The following CHUK variants were observed in gnomAD, a reference collection of about 807,000 sequenced individuals.
CHUK encodes the protein inhibitor of nuclear factor kappa-B kinase subunit alpha.
In CHUK, 35 loss-of-function variants were observed where a neutral mutation model predicts 104.8. The observed-to-expected ratio is 0.33, with a 90% CI of 0.26 to 0.44. The LOEUF is 0.44. CHUK is among the 20% of genes least tolerant of loss of function. The pLI is 1.00. For synonymous variants in CHUK, 276 were observed against 291.9 expected (o/e 0.95, Z 0.56); for missense variants, 663 against 902.7 (o/e 0.73, Z 3.40).
intron 16 of CHUK, chr10:100,195,362 C>T (rs1845300707): frequency 1.3e-5 from 2 of 152,120 alleles, no homozygotes; most frequent in Admixed American, 1.3e-4. Flanking sequence ...TTTGTTACCC[C>T]CATTTTACCA....
intron 20 of CHUK, 141 bp from the exon 21 acceptor site, chr10:100,189,768 T>A: frequency 1.6e-6 from 1 of 608,528 alleles, no homozygotes; most frequent in Non-Finnish European, 2.9e-6. Context: ...ATTTCCTGAT[T>A]TAAAAAAATT....
At chr10:100,205,287 T>A in intron 11 of CHUK, 88 bp from the exon 12 acceptor site, 1 of 1,360,876 alleles carries the variant, frequency 7.3e-7, no homozygotes, top group Non-Finnish European at 1.0e-6. Context: ...TGTGATTTCC[T>A]GTCCACACAA....
intron 4 of CHUK, among the ~76,000 whole-genome samples, 198 bp downstream of exon 4, chr10:100,221,914 G>A (rs1443406042): frequency 2.0e-5 from 3 of 152,148 alleles, no homozygotes; most frequent in Non-Finnish European, 4.4e-5. Flanking sequence ...GGGATTACAG[G>A]CGTGAGCCAC....
At chr10:100,199,312 T>C (rs1000976301) in intron 16 of CHUK, among the ~76,000 whole-genome samples, 1 of 152,146 alleles carries the variant, frequency 6.6e-6, no homozygotes, top group Non-Finnish European at 1.5e-5. Context: ...TCAAATTCTT[T>C]CCAACCTCTA....
chr10:100,191,594 G>T (rs1274762912), intron 19 of CHUK, among the ~76,000 whole-genome samples: 1 of 152,160 alleles, frequency 6.6e-6, no homozygotes, highest in Admixed American at 6.5e-5. Context: ...CCTGATTGTG[G>T]TTTCTACCTT....
chr10:100,192,346 A>G (rs1269818762), intron 19 of CHUK: 1 of 152,234 alleles, frequency 6.6e-6, no homozygotes, highest in African/African-American at 2.4e-5. Flanking sequence ...TGTAAAGTCT[A>G]TATATTTAAT....
At chr10:100,215,143 G>A (rs933512028) in intron 9 of CHUK, among the ~76,000 whole-genome samples, 4 of 144,912 alleles carry the variant, frequency 2.8e-5, no homozygotes, top group Admixed American at 7.2e-5. Context: ...GCTGAGGCAC[G>A]AGAATCACTT....
chr10:100,227,270 A>C (rs1172545082), intron 1 of CHUK, among the ~76,000 whole-genome samples: 1 of 152,240 alleles, frequency 6.6e-6, no homozygotes, highest in Non-Finnish European at 1.5e-5. Flanking sequence ...ACAACAACAA[A>C]AAAGTCGGAA....
intron 16 of CHUK, among the ~76,000 whole-genome samples, chr10:100,197,713 G>A (rs1845368582): frequency 6.6e-6 from 1 of 151,926 alleles, no homozygotes; most frequent in South Asian, 2.1e-4. Flanking sequence ...ACATACATGT[G>A]TCTACACAGT....
At chr10:100,223,123 T>G (rs1336858310) in intron 2 of CHUK, 143 bp from the exon 3 acceptor site, 1 of 533,300 alleles carries the variant, frequency 1.9e-6, no homozygotes, top group Admixed American at 3.2e-5. Context: ...CTGATTTGTA[T>G]AATTAAAAAT....
rs2134202149 is a variant in CHUK, at chr10:100,189,458, A to G, written c.*140T>C. ...CTTGTAAAATCATGTTCTTCTGATC[A>G]TAGTAGAAATGTAGTTTCTGTTCAT... On this transcript the variant is annotated 3_prime_UTR_variant, in exon 21 of 21. Coordinates refer to ENST00000370397, the MANE Select transcript of CHUK (RefSeq NM_001278.5). 1.4e-6 allele frequency: 1 copy of G among 730,698 alleles called. No homozygotes were observed. Among genetic ancestry groups the G allele is most frequent in the South Asian group, 1.5e-5 (1 of 65,930 alleles). 45.3% of individuals were successfully genotyped at this position (730,698 alleles called of 1,614,324 possible). A position where few individuals can be genotyped will look rare whatever the true frequency, so the allele number is the denominator to read the frequency against.
At position 100,220,051 on chromosome 10, in the gene CHUK, C is replaced by T. The variant is rs564364699; in HGVS notation, c.474+537G>A. Among the ~76,000 whole-genome samples the T allele has an allele frequency of 1.4e-4, 21 of 152,256 alleles. No homozygotes were observed. The East Asian group carries it at 3.8e-3, about 28-fold the overall frequency. On this transcript the variant is annotated intron_variant, in intron 5 of 20. Coordinates refer to ENST00000370397, the MANE Select transcript of CHUK (RefSeq NM_001278.5). ...AATTTGGATGCTGGAAACAAGAAAACTGCTTAAGTTACCAATGAAATGAAC... is the reference window on the plus strand; with the variant it reads ...AATTTGGATGCTGGAAACAAGAAAATTGCTTAAGTTACCAATGAAATGAAC...
Position 100,200,816 on chromosome 10 carries a change from C to T in CHUK, c.1570-36G>A, listed in dbSNP as rs577648124. The T allele has an allele frequency of 7.1e-6, 8 of 1,119,826 alleles. No individual in the cohort carries two copies. The Admixed American group carries it at 1.0e-4, about 14-fold the overall frequency. 69.4% of individuals were successfully genotyped at this position (1,119,826 alleles called of 1,614,324 possible). On this transcript the variant is annotated intron_variant, in intron 14 of 20. Transcript: ENST00000370397. ...ATGAAAATACAAAGGAAATGAAAGG[C>T]TTACCACTACATCATAGGAAACAAA...
intron 4 of CHUK, 85 bp downstream of exon 4, chr10:100,222,027 C>A (rs1846000012): frequency 1.4e-6 from 1 of 734,936 alleles, no homozygotes; most frequent in Non-Finnish European, 2.5e-6. Context: ...TATAGTGTAT[C>A]AACAATTCTC....
chr10:100,228,530 C>T (rs1328193644), intron 1 of CHUK, among the ~76,000 whole-genome samples: 1 of 152,112 alleles, frequency 6.6e-6, no homozygotes, highest in Admixed American at 6.6e-5. Flanking sequence ...GTGGCGGGCG[C>T]CTGTAATCCC....
chr10:100,193,801 G>A, intron 18 of CHUK, 183 bp downstream of exon 18: 1 of 645,278 alleles, frequency 1.5e-6, no homozygotes, highest in Non-Finnish European at 2.7e-6. Context: ...TTGGAAAGGA[G>A]AGATGATAAT....
In CHUK at chr10:100,229,537, C is replaced by T; in HGVS notation, c.-5G>A. The stretch of plus-strand genomic sequence containing the variant: ...CAGCCCCGGGGGCCGCTCCATGGGG[C>T]GGGAGGGCAAGCGGCCTCAGGTTCC... On this transcript the variant is annotated 5_prime_UTR_variant, in exon 1 of 21. Coordinates refer to ENST00000370397, the MANE Select transcript of CHUK (RefSeq NM_001278.5). 6.5e-7 allele frequency: 1 copy of T among 1,528,410 alleles called. No homozygotes were observed. Among genetic ancestry groups the T allele is most frequent in the South Asian group, 1.2e-5 (1 of 83,962 alleles). 94.7% of individuals were successfully genotyped at this position (1,528,410 alleles called of 1,614,324 possible).
chr10:100,194,515 G>A lies in CHUK; in HGVS notation c.1736C>T (p.Ser579Phe). 3 of 1,606,764 alleles carry A rather than the reference G, an allele frequency of 1.9e-6. No individual in the cohort carries two copies. The highest frequency in any genetic ancestry group is 2.6e-6 in the Non-Finnish European group (3 of 1,173,616). The change falls in exon 17 of 21, where the codon TCC becomes TTC. Residue 579 changes from serine to phenylalanine, a missense_variant. Transcript: ENST00000370397. ...KQLKHRPSDH[S>F]YSDSTEMVKI... Reference sequence around the variant, plus strand: ...CACCATCTCTGTGCTGTCACTGTAGGAGTGATCTATAAAAGACATCAGTCA... The same window carrying A: ...CACCATCTCTGTGCTGTCACTGTAGAAGTGATCTATAAAAGACATCAGTCA...
chr10:100,198,463 C>T (rs1396404780), intron 16 of CHUK, among the ~76,000 whole-genome samples: 1 of 152,200 alleles, frequency 6.6e-6, no homozygotes, highest in Non-Finnish European at 1.5e-5. Flanking sequence ...AAAAATATAA[C>T]GGCTACTAGC....
Sources: gnomAD v4.1 joint callset for allele counts (sites outside exome capture counted in the v4.1 genomes callset) on GRCh38, gnomAD v4.1.1 for gene constraint, MANE v1.5 for transcripts, NCBI Gene and HGNC (gene_info 2026-07-23, HGNC 2026-07-21) for gene names.